RIMS1: variants seen among roughly 807,000 people sequenced by gnomAD.
RIMS1 encodes regulating synaptic membrane exocytosis protein 1.
A neutral mutation model predicts 214.1 loss-of-function variants in RIMS1; 83 were observed. The ratio of observed to expected loss-of-function variants is 0.39; its 90% CI spans 0.32 to 0.47. The LOEUF is 0.47. Ranked by LOEUF, RIMS1 falls within the 20% of genes least tolerant of loss-of-function variation. The pLI, the probability that RIMS1 is intolerant of heterozygous loss-of-function variation, is 0.99. For synonymous variants in RIMS1, 793 were observed against 786.8 expected (o/e 1.01, Z -0.13); for missense variants, 2,050 against 2,161.8 (o/e 0.95, Z 1.03).
chr6:72,203,371 G>A (rs918849948), intron 6 of RIMS1, among the ~76,000 whole-genome samples: 1 of 152,134 alleles, frequency 6.6e-6, no homozygotes, highest in South Asian at 2.1e-4. Context: ...GAATGCCGAC[G>A]TTTAATATTA....
At chr6:71,908,459 A>G (rs1256665915) in intron 1 of RIMS1, among the ~76,000 whole-genome samples, 4 of 152,188 alleles carry the variant, frequency 2.6e-5, no homozygotes, top group Non-Finnish European at 5.9e-5. Context: ...GAGGAGTGGT[A>G]CAGATAGGAG....
At chr6:72,133,494 C>G (rs2040788693) in intron 4 of RIMS1, among the ~76,000 whole-genome samples, 1 of 152,202 alleles carries the variant, frequency 6.6e-6, no homozygotes, top group Non-Finnish European at 1.5e-5. Flanking sequence ...CACAGTGCAG[C>G]TGGCTTGCAC....
At chr6:72,376,535 C>T (rs868323428) in intron 29 of RIMS1, among the ~76,000 whole-genome samples, 1 of 152,092 alleles carries the variant, frequency 6.6e-6, no homozygotes, top group Non-Finnish European at 1.5e-5. Flanking sequence ...AGGCAGATAT[C>T]GGGAGCTCAA....
chr6:72,074,587 C>T (rs2153750006), intron 2 of RIMS1, among the ~76,000 whole-genome samples: 1 of 152,246 alleles, frequency 6.6e-6, no homozygotes, highest in South Asian at 2.1e-4. Context: ...ATTACCTGAG[C>T]CTGGGAAGTC....
At chr6:72,042,350 A>G (rs1398159268) in intron 2 of RIMS1, among the ~76,000 whole-genome samples, 3 of 151,882 alleles carry the variant, frequency 2.0e-5, no homozygotes, top group Non-Finnish European at 2.9e-5. Context: ...GCTGTGCCTT[A>G]AGATCTCACA....
At chr6:72,216,100 T>G (rs7739119) in intron 6 of RIMS1, among the ~76,000 whole-genome samples, 3,639 of 152,306 alleles carry the variant, frequency 0.024, 129 homozygotes, top group African/African-American at 0.082. Context: ...TTCTGGGATC[T>G]GAATGTTGTA....
At chr6:72,152,842 A>ATC (rs1198143722) in intron 4 of RIMS1, among the ~76,000 whole-genome samples, 1 of 76,564 alleles carries the variant, frequency 1.3e-5, no homozygotes, top group African/African-American at 5.4e-5. Flanking sequence ...ATATATGTAT[A>ATC]TATGGAATAT....
intron 2 of RIMS1, among the ~76,000 whole-genome samples, chr6:72,005,843 T>C (rs1807342475): frequency 6.6e-6 from 1 of 152,216 alleles, no homozygotes; most frequent in Admixed American, 6.5e-5. Context: ...AGAAACCAAG[T>C]AAATGAGATA....
At chr6:72,245,794 A>G (rs971486991) in intron 10 of RIMS1, 21 bp from the exon 11 acceptor site, 7 of 1,599,620 alleles carry the variant, frequency 4.4e-6, no homozygotes, top group Non-Finnish European at 6.0e-6. Flanking sequence ...TGGGATTTTC[A>G]CCATATCCTG....
At chr6:72,257,216 C>T (rs1172585166) in intron 16 of RIMS1, among the ~76,000 whole-genome samples, 27 of 149,832 alleles carry the variant, frequency 1.8e-4, no homozygotes, top group African/African-American at 5.9e-4. Flanking sequence ...TTTACTTTGG[C>T]CACATAATTT....
intron 28 of RIMS1, among the ~76,000 whole-genome samples, chr6:72,321,505 T>C (rs914844106): frequency 2.0e-5 from 3 of 152,134 alleles, no homozygotes; most frequent in African/African-American, 4.8e-5. Flanking sequence ...CATTATCGGC[T>C]TGTTTAGTAT....
rs142321707 is a variant in RIMS1 at position 72,029,242 on chromosome 6, A to G, written c.245+60179A>G. Among the ~76,000 whole-genome samples, 469 of 152,314 alleles carry G rather than the reference A, an allele frequency of 3.1e-3. 6 individuals carry two copies. The highest frequency in any genetic ancestry group is 0.011 in the African/African-American group (440 of 41,558). On this transcript the variant is annotated intron_variant, in intron 2 of 33. Coordinates refer to ENST00000521978, the MANE Select transcript of RIMS1 (RefSeq NM_014989.7). The stretch of plus-strand genomic sequence containing the variant: ...CAAATGCAGCAAATATTTGGATCAA[A>G]TGCAGAAAAAATACTTTGTGATTTT...
chr6:72,190,966 C>CA (rs2049977751), intron 6 of RIMS1, among the ~76,000 whole-genome samples: 1 of 152,168 alleles, frequency 6.6e-6, no homozygotes, highest in Non-Finnish European at 1.5e-5. Flanking sequence ...GGCCTTGTTC[C>CA]AAAATCCTAG....
intron 2 of RIMS1, among the ~76,000 whole-genome samples, chr6:72,039,426 C>A (rs1366546028): frequency 6.6e-6 from 1 of 151,940 alleles, no homozygotes; most frequent in Non-Finnish European, 1.5e-5. Context: ...GTATGAAGAA[C>A]CTGTGAATGG....
chr6:72,211,428 G>A (rs1444186581), intron 6 of RIMS1, among the ~76,000 whole-genome samples: 1 of 152,092 alleles, frequency 6.6e-6, no homozygotes, highest in African/African-American at 2.4e-5. Flanking sequence ...TTGTCTATAT[G>A]GAAGTTTACA....
intron 2 of RIMS1, among the ~76,000 whole-genome samples, chr6:72,009,806 A>C (rs879286043): frequency 6.6e-6 from 1 of 152,204 alleles, no homozygotes; most frequent in Non-Finnish European, 1.5e-5. Flanking sequence ...TAGACCAATA[A>C]CAGGCTCTGA....
In RIMS1 at chr6:72,241,602, T is replaced by C. The variant is rs574875941; in HGVS notation, c.1958-712T>C. Among the ~76,000 whole-genome samples the C allele has an allele frequency of 2.0e-5, 3 of 152,294 alleles. No individual in the cohort carries two copies. The South Asian group carries it at 6.2e-4, about 32-fold the overall frequency. On this transcript the variant is annotated intron_variant, in intron 9 of 33. Coordinates refer to ENST00000521978, the MANE Select transcript of RIMS1 (RefSeq NM_014989.7). ...TATGTACTGTATTAATGTTTGGTTA[T>C]TTTAAAGTGTGTTCTAATTGTACTT... is the stretch of plus-strand genomic sequence containing the variant.
intron 2 of RIMS1, among the ~76,000 whole-genome samples, chr6:72,010,634 T>G (rs1201587463): frequency 6.6e-6 from 1 of 152,198 alleles, no homozygotes; most frequent in African/African-American, 2.4e-5. Context: ...CAGCAAAGTC[T>G]CAGGATACAA....
chr6:71,947,975 C>G (rs1335947891), intron 1 of RIMS1, among the ~76,000 whole-genome samples: 1 of 152,044 alleles, frequency 6.6e-6, no homozygotes, highest in Non-Finnish European at 1.5e-5. Context: ...AAGTACCTAG[C>G]ACACTAATCT....
Sources: gnomAD v4.1 joint callset for allele counts (sites outside exome capture counted in the v4.1 genomes callset) on GRCh38, gnomAD v4.1.1 for gene constraint, MANE v1.5 for transcripts, NCBI Gene and HGNC (gene_info 2026-07-23, HGNC 2026-07-21) for gene names.